The following AMBRA1 variants were observed in gnomAD, a reference collection of about 807,000 sequenced individuals.
AMBRA1 encodes the protein activating molecule in BECN1-regulated autophagy protein 1.
A neutral mutation model predicts 125.4 loss-of-function variants in AMBRA1; 47 were observed. The observed-to-expected ratio is 0.37, with a 90% confidence interval of 0.30 to 0.48. AMBRA1 has a LOEUF of 0.48. Ranked by LOEUF, AMBRA1 falls within the 20% of genes least tolerant of loss-of-function variation. The pLI is 0.99. For synonymous variants in AMBRA1, 626 were observed against 655.5 expected (o/e 0.95, Z 0.69); for missense variants, 1,331 against 1,693.4 (o/e 0.79, Z 3.76).
intron 11 of AMBRA1, among the ~76,000 whole-genome samples, chr11:46,480,859 A>C (rs530207198): frequency 1.3e-5 from 2 of 152,262 alleles, no homozygotes; most frequent in East Asian, 1.9e-4. Context: ...CCATCCAACT[A>C]TCTCTCCTTT....
rs964650064 is a variant in AMBRA1 at position 46,437,668 on chromosome 11, C to T, written c.2633-2631G>A. Among the ~76,000 whole-genome samples the T allele has an allele frequency of 3.9e-5, 6 of 152,192 alleles. No individual in the cohort carries two copies. The East Asian group carries it at 7.7e-4, about 20-fold the overall frequency. On this transcript the variant is annotated intron_variant, in intron 12 of 17. Transcript: ENST00000683756. ...TCCATTCACTTGTGCAGCTTCCTCTCGTAAGGCTGAAATTTTGATGAGTTA... is the reference window on the plus strand; with the variant it reads ...TCCATTCACTTGTGCAGCTTCCTCTTGTAAGGCTGAAATTTTGATGAGTTA...
chr11:46,438,493 G>A (rs1294171969), intron 12 of AMBRA1, among the ~76,000 whole-genome samples: 12 of 152,250 alleles, frequency 7.9e-5, no homozygotes, highest in Admixed American at 7.8e-4. Context: ...GGCCACGGGA[G>A]CAATTAGCAG....
chr11:46,418,139 TAGA>T (rs1946634137), intron 14 of AMBRA1, 87 bp from the exon 15 acceptor site: 5 of 1,337,786 alleles, frequency 3.7e-6, no homozygotes, highest in African/African-American at 1.5e-5. Flanking sequence ...AGAAACAAAT[TAGA>T]AGGAGGAAAG....
chr11:46,547,916 T>G, intron 2 of AMBRA1, 41 bp from the exon 3 acceptor site: 2 of 1,570,196 alleles, frequency 1.3e-6, no homozygotes, highest in South Asian at 2.3e-5. Flanking sequence ...ATACATGATT[T>G]GTAGACCATG....
At chr11:46,576,359 C>T (rs1349309608) in intron 1 of AMBRA1, among the ~76,000 whole-genome samples, 2 of 152,132 alleles carry the variant, frequency 1.3e-5, no homozygotes, top group Non-Finnish European at 2.9e-5. Context: ...AACTCCTGGG[C>T]TCAAGAGATC....
chr11:46,398,089 C>T lies in AMBRA1; in HGVS notation c.3404-146G>A, dbSNP rs983224136. 20 of 1,148,200 alleles carry T rather than the reference C, an allele frequency of 1.7e-5. No individual in the cohort carries two copies. In the African/African-American group the frequency reaches 1.9e-4, roughly 11 times the overall value. 71.1% of individuals were successfully genotyped at this position (1,148,200 alleles called of 1,614,324 possible). On this transcript the variant is annotated intron_variant, in intron 17 of 17. Coordinates refer to ENST00000683756, the MANE Select transcript of AMBRA1 (RefSeq NM_001387011.1). ...CGCTCCATCACTGTGAAAACCAATC[C>T]GAGTCTTGAAAGCTAGACAAAACCC...
chr11:46,505,979 C>T (rs1214058227), intron 9 of AMBRA1, among the ~76,000 whole-genome samples: 1 of 152,186 alleles, frequency 6.6e-6, no homozygotes, highest in Non-Finnish European at 1.5e-5. Context: ...CAGGGCTCCA[C>T]AGCATTAGTG....
At chr11:46,455,395 A>G (rs1020643477) in intron 11 of AMBRA1, among the ~76,000 whole-genome samples, 1 of 152,178 alleles carries the variant, frequency 6.6e-6, no homozygotes, top group African/African-American at 2.4e-5. Flanking sequence ...TACTTTAGTT[A>G]GCCTCATATA....
intron 11 of AMBRA1, among the ~76,000 whole-genome samples, chr11:46,483,011 A>G (rs1024365685): frequency 1.4e-5 from 2 of 146,306 alleles, no homozygotes; most frequent in Non-Finnish European, 3.1e-5. Context: ...TCTGTCTCAA[A>G]AAAAAAAAGA....
intron 7 of AMBRA1, among the ~76,000 whole-genome samples, chr11:46,530,914 C>T (rs547637868): frequency 6.6e-6 from 1 of 152,312 alleles, no homozygotes; most frequent in South Asian, 2.1e-4. Context: ...GACGAATTCT[C>T]GCTCTGTAGC....
chr11:46,541,331 A>T lies in AMBRA1; in HGVS notation c.2072+614T>A, dbSNP rs151241506. On this transcript the variant is annotated intron_variant, in intron 7 of 17. Transcript: ENST00000683756. ...AGGTGAAAGTCCACCTGGAAGGTCC[A>T]TTCAGAGAATCTCAACTGAGCAATA... is the stretch of plus-strand genomic sequence containing the variant. Among the ~76,000 whole-genome samples, 597 of 152,338 alleles carry T rather than the reference A, an allele frequency of 3.9e-3. 3 individuals carry two copies. Among genetic ancestry groups the T allele is most frequent in the African/African-American group, 0.014 (583 of 41,594 alleles).
chr11:46,566,677 T>C (rs1336351124), intron 1 of AMBRA1, among the ~76,000 whole-genome samples: 2 of 152,184 alleles, frequency 1.3e-5, no homozygotes, highest in Non-Finnish European at 2.9e-5. Context: ...CTTTATCCAC[T>C]GTGAAACTCC....
At chr11:46,585,343 T>G (rs2044330629) in intron 1 of AMBRA1, among the ~76,000 whole-genome samples, 1 of 148,010 alleles carries the variant, frequency 6.8e-6, no homozygotes, top group African/African-American at 2.5e-5. Context: ...CCAAGAATGA[T>G]CAATAAAAAT....
At position 46,543,064 on chromosome 11, in the gene AMBRA1, C is replaced by T. The variant is rs765368549; in HGVS notation, c.953G>A (p.Arg318Gln). 3.9e-5 allele frequency: 62 copies of T among 1,597,866 alleles called. No individual in the cohort carries two copies. In the East Asian group the frequency reaches 7.1e-4, roughly 18 times the overall value. Residue 318 changes from arginine (R) to glutamine (Q), a missense_variant, in exon 7 of 18, where the codon CGA becomes CAA. Coordinates refer to ENST00000683756, the MANE Select transcript of AMBRA1 (RefSeq NM_001387011.1). ...LCLCSRCSGT[R>Q]VPSLLPHQDS... is the part of the protein sequence containing the mutation. ...CTGGTGTGGCAAGAGGGAAGGAACT[C>T]GAGTGCCAGAGCAGCGGCTGCAAAG...
At chr11:46,475,170 T>G (rs1036222185) in intron 11 of AMBRA1, among the ~76,000 whole-genome samples, 1 of 152,240 alleles carries the variant, frequency 6.6e-6, no homozygotes, top group African/African-American at 2.4e-5. Flanking sequence ...AGTCAGCCTA[T>G]CTGGCAGGCA....
At chr11:46,586,393 CA>C (rs1485786005) in intron 1 of AMBRA1, among the ~76,000 whole-genome samples, 1 of 151,864 alleles carries the variant, frequency 6.6e-6, no homozygotes, top group African/African-American at 2.4e-5. Context: ...AGACTGTCTC[CA>C]AAAAATAATA....
At chr11:46,520,681 T>C (rs1306682464) in intron 7 of AMBRA1, among the ~76,000 whole-genome samples, 5 of 151,060 alleles carry the variant, frequency 3.3e-5, no homozygotes, top group Admixed American at 1.3e-4. Context: ...CTGCAAGCTC[T>C]GCCTCCCGGG....
Position 46,397,804 on chromosome 11 carries a change from G to T in AMBRA1, c.3543C>A (p.Asn1181Lys). Residue 1181 changes from asparagine (N) to lysine (K), a missense_variant, in exon 18 of 18, where the codon AAC (asparagine) becomes AAA (lysine). By Grantham distance (94) the Asn-to-Lys change is moderately conservative. This residue lies in a region of AMBRA1 where 354 missense variants were observed against 532.7 expected (regional missense o/e 0.66). Coordinates refer to ENST00000683756, the MANE Select transcript of AMBRA1 (RefSeq NM_001387011.1). ...GGTGAATGCGGTGGCTGACGATGAT[G>T]TTGTTGCCGAAGCCGCCCATGGAGG... ...TMASMGGFGN[N>K]IIVSHRIHRS... The T allele has an allele frequency of 6.2e-7, 1 of 1,608,494 alleles. No individual in the cohort carries two copies.
chr11:46,551,169 T>G (rs1464701161), intron 1 of AMBRA1, among the ~76,000 whole-genome samples: 1 of 146,356 alleles, frequency 6.8e-6, no homozygotes, highest in Non-Finnish European at 1.5e-5. Context: ...TACAAAACAA[T>G]ATATCGAGTA....
Sources: gnomAD v4.1 joint callset for allele counts (sites outside exome capture counted in the v4.1 genomes callset) on GRCh38, gnomAD v4.1.1 for gene constraint, gnomAD v4.1.1 regional missense constraint, MANE v1.5 for transcripts, NCBI Gene and HGNC (gene_info 2026-07-23, HGNC 2026-07-21) for gene names.